TMEM132D: variants seen among roughly 807,000 people sequenced by gnomAD.
The protein encoded by TMEM132D is transmembrane protein 132D, also known as mature OL transmembrane protein.
A neutral mutation model predicts 62.3 loss-of-function variants in TMEM132D; 21 were observed. The ratio of observed to expected loss-of-function variants is 0.34; its 90% CI spans 0.24 to 0.49. The LOEUF (loss-of-function observed/expected upper bound fraction) is 0.49, where lower values mean the gene tolerates loss of function less well. TMEM132D is among the 20% of genes least tolerant of loss of function. TMEM132D has a pLI of 0.99. For synonymous variants in TMEM132D, 621 were observed against 575.6 expected (o/e 1.08, Z -1.13); for missense variants, 1,346 against 1,402.8 (o/e 0.96, Z 0.65).
At chr12:129,303,983 C>T (rs1381367971) in intron 4 of TMEM132D, among the ~76,000 whole-genome samples, 1 of 152,176 alleles carries the variant, frequency 6.6e-6, no homozygotes. Flanking sequence ...CTTGCGCCCT[C>T]GATGGCTTAG....
chr12:129,177,744 T>C (rs1188676779), intron 5 of TMEM132D, among the ~76,000 whole-genome samples: 3 of 152,166 alleles, frequency 2.0e-5, no homozygotes, highest in African/African-American at 7.2e-5. Context: ...GGCAATAGAA[T>C]AAGTAAGTTC....
At chr12:129,729,926 C>A (rs376836953) in intron 1 of TMEM132D, among the ~76,000 whole-genome samples, 1 of 152,146 alleles carries the variant, frequency 6.6e-6, no homozygotes, top group African/African-American at 2.4e-5. Flanking sequence ...TTGTGATATT[C>A]CCTGCCCTTG....
At chr12:129,347,004 C>T (rs62548464) in intron 3 of TMEM132D, among the ~76,000 whole-genome samples, 16 of 152,080 alleles carry the variant, frequency 1.1e-4, no homozygotes, top group African/African-American at 1.7e-4. Context: ...TTATGAGGGA[C>T]GTGAAGGACC....
intron 3 of TMEM132D, among the ~76,000 whole-genome samples, chr12:129,524,086 T>TG (rs985338269): frequency 6.9e-6 from 1 of 144,232 alleles, no homozygotes; most frequent in African/African-American, 2.6e-5. Context: ...TGTCGTGGGG[T>TG]GGGGGGAGTG....
chr12:129,436,712 A>G (rs1456485044), intron 3 of TMEM132D, among the ~76,000 whole-genome samples: 1 of 152,188 alleles, frequency 6.6e-6, no homozygotes, highest in Non-Finnish European at 1.5e-5. Context: ...GCAAGTTTTA[A>G]AATATTTTAA....
At chr12:129,485,015 C>A (rs1311387730) in intron 3 of TMEM132D, among the ~76,000 whole-genome samples, 1 of 152,174 alleles carries the variant, frequency 6.6e-6, no homozygotes, top group Non-Finnish European at 1.5e-5. Context: ...TCCTTCTAGC[C>A]AACATTCCAG....
intron 2 of TMEM132D, among the ~76,000 whole-genome samples, chr12:129,616,867 T>C (rs1200646768): frequency 2.0e-5 from 3 of 152,184 alleles, no homozygotes; most frequent in African/African-American, 7.2e-5. Flanking sequence ...ATTGTTGAAG[T>C]TTGTTCTGTA....
intron 3 of TMEM132D, among the ~76,000 whole-genome samples, chr12:129,376,592 C>G (rs1449267906): frequency 6.6e-6 from 1 of 152,108 alleles, no homozygotes; most frequent in Non-Finnish European, 1.5e-5. Context: ...TAAGCTTAAG[C>G]CCTAACCCCC....
chr12:129,145,325 T>C (rs116062462), intron 5 of TMEM132D, among the ~76,000 whole-genome samples: 3,873 of 152,158 alleles, frequency 0.025, 182 homozygotes, highest in African/African-American at 0.089. Flanking sequence ...AGCTTGAAAA[T>C]CCCTGCCCTA....
chr12:129,421,110 C>T (rs139583820), intron 3 of TMEM132D, among the ~76,000 whole-genome samples: 1,600 of 151,970 alleles, frequency 0.011, 15 homozygotes, highest in Admixed American at 0.02. Flanking sequence ...TACAAGCTCC[C>T]GCCATCACAC....
chr12:129,074,646 G>T lies in TMEM132D; in HGVS notation c.2529C>A (p.Gly843=), dbSNP rs1383792438. The stretch of plus-strand genomic sequence containing the variant: ...CCTCCATGAGTCCCATAGAAGAACT[G>T]CCATAGTACTGTCCTTCCTGACTCC... The part of the protein sequence containing the change: ...EWGSQEGQYY[G]SSSMGLMEGR... The change falls in exon 9 of 9, where the codon GGC becomes GGA. Residue 843 remains glycine (G), a synonymous_variant. Coordinates refer to ENST00000422113, the MANE Select transcript of TMEM132D (RefSeq NM_133448.3). 2 of 1,614,090 alleles carry T rather than the reference G, an allele frequency of 1.2e-6. No individual in the cohort carries two copies. The highest frequency in any genetic ancestry group is 1.7e-6 in the Non-Finnish European group (2 of 1,180,036).
chr12:129,411,123 A>G (rs142863630), intron 3 of TMEM132D, among the ~76,000 whole-genome samples: 189 of 152,146 alleles, frequency 1.2e-3, no homozygotes, highest in African/African-American at 4.3e-3. Flanking sequence ...CTGCTTTTTA[A>G]TGTTTCCCAT....
intron 5 of TMEM132D, among the ~76,000 whole-genome samples, chr12:129,114,473 CT>C (rs1875828786): frequency 6.6e-6 from 1 of 151,504 alleles, no homozygotes; most frequent in African/African-American, 2.4e-5. Flanking sequence ...TTCTCTTCTC[CT>C]TCCCTTCCTC....
At position 129,236,182 on chromosome 12, in the gene TMEM132D, C is replaced by T. The variant is rs1214817884; in HGVS notation, c.1300-26519G>A. ...AGAGAGAGAGAGAGAGAGAGAGTCA[C>T]TAATGGAATGTTTTCTTTCTTTCTT... On this transcript the variant is annotated intron_variant, in intron 4 of 8. Coordinates refer to ENST00000422113, the MANE Select transcript of TMEM132D (RefSeq NM_133448.3). Among the ~76,000 whole-genome samples the T allele has an allele frequency of 8.7e-5, 13 of 148,910 alleles. No homozygotes were observed. The Admixed American group carries it at 8.8e-4, about 10-fold the overall frequency.
At chr12:129,530,312 C>T (rs983951973) in intron 3 of TMEM132D, among the ~76,000 whole-genome samples, 2 of 152,020 alleles carry the variant, frequency 1.3e-5, no homozygotes, top group African/African-American at 4.8e-5. Context: ...CGGAATTCAT[C>T]CTTTCATTAT....
intron 1 of TMEM132D, among the ~76,000 whole-genome samples, chr12:129,758,823 T>A (rs1480283563): frequency 6.6e-6 from 1 of 152,234 alleles, no homozygotes; most frequent in African/African-American, 2.4e-5. Context: ...TACTGTATAA[T>A]GTCCTAGCCT....
intron 3 of TMEM132D, among the ~76,000 whole-genome samples, chr12:129,523,287 G>A (rs922890996): frequency 3.2e-4 from 48 of 152,252 alleles, no homozygotes; most frequent in African/African-American, 1.1e-3. Context: ...CTCTTTCCTC[G>A]AAGCAACATC....
At chr12:129,118,181 C>T (rs1875951989) in intron 5 of TMEM132D, among the ~76,000 whole-genome samples, 1 of 152,208 alleles carries the variant, frequency 6.6e-6, no homozygotes, top group Non-Finnish European at 1.5e-5. Flanking sequence ...CAATAAGTTT[C>T]AGGATTCTAA....
At chr12:129,479,188 C>G (rs1452249018) in intron 3 of TMEM132D, among the ~76,000 whole-genome samples, 1 of 152,084 alleles carries the variant, frequency 6.6e-6, no homozygotes, top group Non-Finnish European at 1.5e-5. Context: ...TCAATGGGCA[C>G]TAAATGAATT....
Sources: gnomAD v4.1 joint callset for allele counts (sites outside exome capture counted in the v4.1 genomes callset) on GRCh38, gnomAD v4.1.1 for gene constraint, MANE v1.5 for transcripts, NCBI Gene and HGNC (gene_info 2026-07-23, HGNC 2026-07-21) for gene names.